TNFRSF21: variants seen among roughly 807,000 people sequenced by gnomAD.
The protein encoded by TNFRSF21 is tumor necrosis factor receptor superfamily member 21.
Under a neutral mutation model 45.6 loss-of-function variants are expected in TNFRSF21, and 19 were observed. The observed-to-expected ratio is 0.42, with a 90% CI of 0.29 to 0.61. The LOEUF (loss-of-function observed/expected upper bound fraction) is 0.61. TNFRSF21 is among the 20% of genes least tolerant of loss of function. TNFRSF21 has a pLI of 0.23. For missense variants in TNFRSF21, 737 were observed against 851.5 expected, an observed-to-expected ratio of 0.87 and a Z score of 1.67; for synonymous variants, 314 against 335.5, an observed-to-expected ratio of 0.94 and a Z score of 0.70.
At position 47,232,816 on chromosome 6, in the gene TNFRSF21, G is replaced by A. The variant is rs753967130; in HGVS notation, c.1917C>T (p.Ala639=). 37 of 1,614,180 alleles carry A rather than the reference G, an allele frequency of 2.3e-5. No homozygotes were observed. The highest frequency in any genetic ancestry group is 3.1e-5 in the Non-Finnish European group (36 of 1,180,032). ...AAACAGAGTCCAGGAGGGTCTGGCT[G>A]GCTTCCTGGCTCTTGACTCCAATAA... ...FEIIGVKSQE[A]SQTLLDSVYS... Residue 639 remains alanine (A), a synonymous_variant, in exon 6 of 6, where the codon GCC becomes GCT. Coordinates refer to ENST00000296861, the MANE Select transcript of TNFRSF21 (RefSeq NM_014452.5).
intron 4 of TNFRSF21, among the ~76,000 whole-genome samples, chr6:47,252,477 A>AGTT (rs1390262727): frequency 2.0e-5 from 3 of 152,264 alleles, no homozygotes; most frequent in Admixed American, 6.5e-5. Context: ...AAGTAAAATG[A>AGTT]GTTACATCAT....
At chr6:47,303,052 T>C (rs546187989) in intron 1 of TNFRSF21, among the ~76,000 whole-genome samples, 1 of 152,324 alleles carries the variant, frequency 6.6e-6, no homozygotes, top group Non-Finnish European at 1.5e-5. Flanking sequence ...CCCACTTGCT[T>C]ATTCCTCCCC....
intron 4 of TNFRSF21, among the ~76,000 whole-genome samples, chr6:47,242,687 A>T (rs1288376980): frequency 6.6e-6 from 1 of 152,238 alleles, no homozygotes; most frequent in South Asian, 2.1e-4. Context: ...GGCTGCTGAC[A>T]TCAACGGTAG....
intron 3 of TNFRSF21, among the ~76,000 whole-genome samples, chr6:47,277,268 A>C (rs1762512505): frequency 6.6e-6 from 1 of 152,270 alleles, no homozygotes; most frequent in Admixed American, 6.5e-5. Context: ...CTGGGATTAC[A>C]GGCGTGAGCC....
chr6:47,285,734 G>A (rs1296427686), intron 2 of TNFRSF21, among the ~76,000 whole-genome samples: 1 of 152,106 alleles, frequency 6.6e-6, no homozygotes, highest in Non-Finnish European at 1.5e-5. Context: ...TTAGATATCT[G>A]ATCTCCCCTA....
At chr6:47,261,786 T>G (rs1419650270) in intron 3 of TNFRSF21, among the ~76,000 whole-genome samples, 2 of 152,372 alleles carry the variant, frequency 1.3e-5, no homozygotes, top group East Asian at 3.9e-4. Flanking sequence ...CTGTCCAAGC[T>G]GTGGTCTCTC....
intron 4 of TNFRSF21, among the ~76,000 whole-genome samples, chr6:47,247,781 A>T (rs2113847739): frequency 6.6e-6 from 1 of 152,356 alleles, no homozygotes; most frequent in East Asian, 1.9e-4. Flanking sequence ...GAGAGTGCCT[A>T]AGTGCACAAA....
chr6:47,302,511 T>C (rs1291659264), intron 1 of TNFRSF21, among the ~76,000 whole-genome samples: 2 of 152,336 alleles, frequency 1.3e-5, no homozygotes, highest in African/African-American at 4.8e-5. Flanking sequence ...CATTTCAATT[T>C]GCAGGAGTAT....
intron 3 of TNFRSF21, among the ~76,000 whole-genome samples, chr6:47,257,890 G>A (rs75523295): frequency 0.068 from 10,356 of 152,212 alleles, 457 homozygotes; most frequent in African/African-American, 0.13. Flanking sequence ...ACTAGTGCAA[G>A]GTCACCCACC....
At chr6:47,250,536 C>T (rs550644640) in intron 4 of TNFRSF21, among the ~76,000 whole-genome samples, 38 of 152,144 alleles carry the variant, frequency 2.5e-4, no homozygotes, top group Non-Finnish European at 5.4e-4. Context: ...CAAAAAGCCA[C>T]ACCAGGGCTA....
chr6:47,234,582 C>T lies in TNFRSF21; in HGVS notation c.1738+88G>A. Reference sequence around the variant, plus strand: ...ATTCAGATGACTCAACTCTCAGCTACAACTGGACTGTGGACGGGGAGGGAC... The same window carrying T: ...ATTCAGATGACTCAACTCTCAGCTATAACTGGACTGTGGACGGGGAGGGAC... On this transcript the variant is annotated intron_variant, in intron 5 of 5. Coordinates refer to ENST00000296861, the MANE Select transcript of TNFRSF21 (RefSeq NM_014452.5). The T allele has an allele frequency of 3.7e-6, 4 of 1,083,558 alleles. No homozygotes were observed. The South Asian group carries it at 5.6e-5, about 15-fold the overall frequency. 67.1% of individuals were successfully genotyped at this position (1,083,558 alleles called of 1,614,324 possible).
Position 47,309,483 on chromosome 6 carries a change from G to C in TNFRSF21, c.29C>G (p.Ala10Gly). 3 of 1,526,422 alleles carry C rather than the reference G, an allele frequency of 2.0e-6. No individual in the cohort carries two copies. The highest frequency in any genetic ancestry group is 2.6e-6 in the Non-Finnish European group (3 of 1,144,194). 94.6% of individuals were successfully genotyped at this position (1,526,422 alleles called of 1,614,324 possible). Reference protein sequence around the residue: MGTSPSSSTALASCSRIARR... With the variant: MGTSPSSSTGLASCSRIARR... ...GGCGATGCGGCTGCAGGAGGCGAGGGCGGTGCTGCTGCTCGGAGAGGTCCC... is the reference window on the plus strand; with the variant it reads ...GGCGATGCGGCTGCAGGAGGCGAGGCCGGTGCTGCTGCTCGGAGAGGTCCC... The change falls in exon 1 of 6, where the codon GCC (alanine) becomes GGC (glycine). Residue 10 changes from alanine to glycine, a missense_variant. Transcript: ENST00000296861.
chr6:47,263,029 T>C lies in TNFRSF21; in HGVS notation c.1244-9508A>G, dbSNP rs1765095104. On this transcript the variant is annotated intron_variant, in intron 3 of 5. Transcript: ENST00000296861. ...AACCAGTTAGAGGCCACAGCAGTAA[T>C]CCAGCAAGGAGGTGATAGGGGTCTG... Among the ~76,000 whole-genome samples, 3 of 152,132 alleles carry C rather than the reference T, an allele frequency of 2.0e-5. No homozygotes were observed. In the South Asian group the frequency reaches 6.2e-4, roughly 32 times the overall value.
At chr6:47,268,988 AC>A (rs1762374820) in intron 3 of TNFRSF21, among the ~76,000 whole-genome samples, 1 of 152,176 alleles carries the variant, frequency 6.6e-6, no homozygotes, top group Admixed American at 6.5e-5. Context: ...GAGCAGAAGA[AC>A]CCTGCAGTCC....
At chr6:47,242,787 G>A (rs1158678269) in intron 4 of TNFRSF21, among the ~76,000 whole-genome samples, 1 of 152,234 alleles carries the variant, frequency 6.6e-6, no homozygotes, top group Non-Finnish European at 1.5e-5. Context: ...TTGGTTCAGA[G>A]CTGGAGCCCA....
chr6:47,293,133 T>C (rs1762750759), intron 1 of TNFRSF21, among the ~76,000 whole-genome samples: 1 of 152,202 alleles, frequency 6.6e-6, no homozygotes, highest in Non-Finnish European at 1.5e-5. Context: ...GTTCATCATA[T>C]TGGTGCCTAA....
At chr6:47,302,888 C>T (rs1762889830) in intron 1 of TNFRSF21, among the ~76,000 whole-genome samples, 1 of 152,214 alleles carries the variant, frequency 6.6e-6, no homozygotes, top group Admixed American at 6.5e-5. Context: ...TCTCAAACTC[C>T]ATTCCCTTAT....
chr6:47,234,526 G>A lies in TNFRSF21; in HGVS notation c.1738+144C>T, dbSNP rs56896258. ...GGTTACTCTCGGGCCAGCGTATCTT[G>A]AAGTTTTGGACTGGTCTTCCTGGGC... On this transcript the variant is annotated intron_variant, in intron 5 of 5. Transcript: ENST00000296861. The A allele has an allele frequency of 2.2e-3, 1,552 of 703,724 alleles. 12 individuals carry two copies. In the African/African-American group the frequency reaches 0.024, roughly 11 times the overall value. 43.6% of individuals were successfully genotyped at this position (703,724 alleles called of 1,614,324 possible). A position where few individuals can be genotyped will look rare whatever the true frequency, so the allele number is the denominator to read the frequency against.
intron 3 of TNFRSF21, among the ~76,000 whole-genome samples, chr6:47,263,597 A>C (rs1324879646): frequency 6.6e-6 from 1 of 152,178 alleles, no homozygotes; most frequent in Non-Finnish European, 1.5e-5. Flanking sequence ...GGCAAAGGGA[A>C]GAAAGTGTTT....
Sources: allele counts gnomAD v4.1 joint callset (sites outside exome capture counted in the v4.1 genomes callset), GRCh38; gene constraint gnomAD v4.1.1; transcripts MANE v1.5; gene names NCBI Gene and HGNC (gene_info 2026-07-23, HGNC 2026-07-21).